The following SCAPER variants were observed in gnomAD, a reference collection of about 807,000 sequenced individuals.
SCAPER encodes S-phase cyclin A associated protein in the ER.
Under a neutral mutation model 182.2 loss-of-function variants are expected in SCAPER, and 98 were observed. The ratio of observed to expected loss-of-function variants is 0.54; its 90% confidence interval spans 0.46 to 0.64. SCAPER has a LOEUF of 0.64. Ranked by LOEUF, SCAPER falls within the 30% of genes least tolerant of loss-of-function variation. The probability of loss-of-function intolerance (pLI) is 0.00; values close to 1 mark genes in which losing one functional copy is unlikely to be tolerated. For missense variants in SCAPER, 1,432 were observed against 1,690.0 expected (o/e 0.85, Z 2.68); for synonymous variants, 605 against 564.6 (o/e 1.07, Z -1.01).
chr15:76,371,362 C>T (rs2042162440), intron 29 of SCAPER, among the ~76,000 whole-genome samples: 1 of 151,340 alleles, frequency 6.6e-6, no homozygotes, highest in Non-Finnish European at 1.5e-5. Context: ...CTCTGTCACC[C>T]AGGCTGGAGT....
At chr15:76,737,462 G>A (rs2061332195) in intron 15 of SCAPER, among the ~76,000 whole-genome samples, 1 of 152,212 alleles carries the variant, frequency 6.6e-6, no homozygotes, top group Admixed American at 6.5e-5. Context: ...TGTCACGCCA[G>A]CTTTGTTGTT....
chr15:76,543,576 G>T (rs1322706268), intron 23 of SCAPER, among the ~76,000 whole-genome samples: 1 of 152,128 alleles, frequency 6.6e-6, no homozygotes, highest in Non-Finnish European at 1.5e-5. Context: ...AGATATATCT[G>T]CTACCCTTAC....
At chr15:76,803,624 A>G (rs1315384999) in intron 6 of SCAPER, among the ~76,000 whole-genome samples, 2 of 152,164 alleles carry the variant, frequency 1.3e-5, no homozygotes, top group African/African-American at 2.4e-5. Context: ...AGCAGATTCA[A>G]CGTCTGATAT....
intron 4 of SCAPER, among the ~76,000 whole-genome samples, chr15:76,856,977 G>T (rs993153387): frequency 1.3e-5 from 2 of 152,206 alleles, no homozygotes; most frequent in African/African-American, 4.8e-5. Context: ...AAGTAGGCTT[G>T]TGTTGTCCAA....
chr15:76,817,968 A>T (rs1055688008), intron 5 of SCAPER, among the ~76,000 whole-genome samples: 1 of 152,244 alleles, frequency 6.6e-6, no homozygotes, highest in African/African-American at 2.4e-5. Context: ...TAAAGTTTAC[A>T]GCAGAAGCAA....
intron 21 of SCAPER, among the ~76,000 whole-genome samples, chr15:76,638,212 T>C (rs1178405311): frequency 2.0e-5 from 3 of 152,158 alleles, no homozygotes; most frequent in Non-Finnish European, 4.4e-5. Flanking sequence ...AGTAAGGTCA[T>C]CTTTTTCTTT....
chr15:76,379,433 G>C (rs1321670535), intron 28 of SCAPER, among the ~76,000 whole-genome samples: 1 of 152,034 alleles, frequency 6.6e-6, no homozygotes, highest in Non-Finnish European at 1.5e-5. Context: ...TTGATTTTGA[G>C]AATAATTGTT....
intron 20 of SCAPER, among the ~76,000 whole-genome samples, chr15:76,681,186 T>C (rs1046695607): frequency 1.3e-5 from 2 of 152,196 alleles, no homozygotes; most frequent in Non-Finnish European, 2.9e-5. Context: ...AGCTCTCTAC[T>C]GTAATACACA....
chr15:76,829,739 G>A (rs1231786819), intron 5 of SCAPER, among the ~76,000 whole-genome samples: 4 of 152,046 alleles, frequency 2.6e-5, no homozygotes, highest in Non-Finnish European at 5.9e-5. Context: ...GAAGACTAAC[G>A]TCAGTGCAAC....
In SCAPER at chr15:76,413,049, T is replaced by C. The variant is rs149023218; in HGVS notation, c.3312-8370A>G. ...TTGTTGCTATACATAGCGATATGAC[T>C]GATTTTTGCATAAGTTATATTTGTA... On this transcript the variant is annotated intron_variant, in intron 26 of 31. Transcript: ENST00000563290. 1.6e-4 allele frequency among the ~76,000 whole-genome samples: 24 copies of C among 152,330 alleles called. No homozygotes were observed. In the East Asian group the frequency reaches 2.9e-3, roughly 18 times the overall value.
chr15:76,401,686 A>G (rs1304224795), intron 27 of SCAPER, among the ~76,000 whole-genome samples: 3 of 152,218 alleles, frequency 2.0e-5, no homozygotes, highest in Non-Finnish European at 4.4e-5. Flanking sequence ...TTGCACAGCT[A>G]CATCAAACTA....
chr15:76,357,634 T>C (rs906051426), intron 29 of SCAPER, among the ~76,000 whole-genome samples: 1 of 152,166 alleles, frequency 6.6e-6, no homozygotes, highest in East Asian at 1.9e-4. Context: ...TACTCACACG[T>C]GTATGTTTAT....
intron 21 of SCAPER, among the ~76,000 whole-genome samples, chr15:76,649,020 C>T (rs12914196): frequency 0.27 from 41,594 of 152,058 alleles, 6,466 homozygotes; most frequent in East Asian, 0.55. Context: ...AATCAGACAC[C>T]GCCTCCTCAA....
intron 14 of SCAPER, among the ~76,000 whole-genome samples, chr15:76,754,766 T>C (rs1312704423): frequency 6.6e-6 from 1 of 152,136 alleles, no homozygotes; most frequent in Non-Finnish European, 1.5e-5. Flanking sequence ...AATAGCACTA[T>C]ACTAAGAGCC....
At chr15:76,364,511 G>A (rs542175921) in intron 29 of SCAPER, among the ~76,000 whole-genome samples, 4 of 152,296 alleles carry the variant, frequency 2.6e-5, no homozygotes, top group Admixed American at 2.0e-4. Flanking sequence ...AGGGGTGAAT[G>A]GCTGTTTTGC....
At chr15:76,859,965 C>G (rs1256991697) in intron 3 of SCAPER, among the ~76,000 whole-genome samples, 1 of 152,162 alleles carries the variant, frequency 6.6e-6, no homozygotes, top group African/African-American at 2.4e-5. Flanking sequence ...ATCCACCTGC[C>G]TCAGCCTCCC....
chr15:76,802,046 G>T (rs2065832587), intron 6 of SCAPER, among the ~76,000 whole-genome samples: 1 of 151,250 alleles, frequency 6.6e-6, no homozygotes, highest in African/African-American at 2.4e-5. Context: ...CCACCAATAG[G>T]TAACTGAATT....
At position 76,692,425 on chromosome 15, in the gene SCAPER, T is replaced by TA. The variant is rs1250128749; in HGVS notation, c.2508+9332_2508+9333insT. 5.9e-5 allele frequency among the ~76,000 whole-genome samples: 9 copies of TA among 152,192 alleles called. No individual in the cohort carries two copies. In the South Asian group the frequency reaches 1.4e-3, roughly 25 times the overall value. ...ACATGAAGGCTGGGCGTGGTGGCTC[T>TA]TGCCTGTAATCCCAGTACTTTGGGA... On this transcript the variant is annotated intron_variant, in intron 20 of 31. Transcript: ENST00000563290.
intron 25 of SCAPER, among the ~76,000 whole-genome samples, chr15:76,437,564 T>G (rs1839053391): frequency 6.6e-6 from 1 of 152,232 alleles, no homozygotes; most frequent in Admixed American, 6.5e-5. Context: ...ACAAAGAATA[T>G]GAGTAATACA....
Sources: allele counts gnomAD v4.1 joint callset (sites outside exome capture counted in the v4.1 genomes callset), GRCh38; gene constraint gnomAD v4.1.1; transcripts MANE v1.5; gene names NCBI Gene and HGNC (gene_info 2026-07-23, HGNC 2026-07-21).